ADD1: variants seen among roughly 807,000 people sequenced by gnomAD.
The protein encoded by ADD1 is adducin 1, also known as alpha-adducin.
Under a neutral mutation model 80.5 loss-of-function variants are expected in ADD1, and 24 were observed. The ratio of observed to expected loss-of-function variants is 0.30; its 90% confidence interval spans 0.22 to 0.42. The LOEUF (loss-of-function observed/expected upper bound fraction) is 0.42, where lower values mean the gene tolerates loss of function less well. Ranked by LOEUF, ADD1 falls within the 10% of genes least tolerant of loss-of-function variation. The pLI, the probability that ADD1 is intolerant of heterozygous loss-of-function variation, is 1.00. For synonymous variants in ADD1, 373 were observed against 393.8 expected (o/e 0.95, Z 0.63); for missense variants, 948 against 1,019.0 (o/e 0.93, Z 0.95).
intron 1 of ADD1, among the ~76,000 whole-genome samples, chr4:2,863,814 C>G (rs1729154368): frequency 6.6e-6 from 1 of 152,100 alleles, no homozygotes; most frequent in Non-Finnish European, 1.5e-5. Context: ...AGAGATCCTC[C>G]TGCCTCAGCC....
Position 2,898,337 on chromosome 4 carries a change from C to T in ADD1, c.885+10C>T. 1.9e-6 allele frequency: 3 copies of T among 1,614,204 alleles called. No homozygotes were observed. In the South Asian group the frequency reaches 3.3e-5, roughly 18 times the overall value. Reference sequence around the variant, plus strand: ...GGGGCCTAAAAGCAAGGTCAGTAGGCATCTAATCTGGTATTTAAATTACAG... The same window carrying T: ...GGGGCCTAAAAGCAAGGTCAGTAGGTATCTAATCTGGTATTTAAATTACAG... On this transcript the variant is annotated intron_variant, in intron 7 of 15. Coordinates refer to ENST00000683351, the MANE Select transcript of ADD1 (RefSeq NM_001354761.2).
intron 9 of ADD1, among the ~76,000 whole-genome samples, chr4:2,904,480 A>ATGTGTC (rs1736707019): frequency 6.6e-6 from 1 of 152,234 alleles, no homozygotes; most frequent in Non-Finnish European, 1.5e-5. Flanking sequence ...GTGTCACTAT[A>ATGTGTC]AGCCTTCTTA....
intron 9 of ADD1, chr4:2,901,859 A>G (rs200429820): frequency 8.5e-6 from 1 of 117,058 alleles, no homozygotes; most frequent in Admixed American, 8.1e-5. Flanking sequence ...TCCCCCCCCC[A>G]AAAAAAATCA....
At chr4:2,898,380 C>G in intron 7 of ADD1, 53 bp downstream of exon 7, 1 of 1,613,902 alleles carries the variant, frequency 6.2e-7, no homozygotes, top group South Asian at 1.1e-5. Context: ...AAGAATAAAG[C>G]AAAGGACCAG....
intron 14 of ADD1, 24 bp downstream of exon 14, chr4:2,915,064 C>T (rs1944082): frequency 3.1e-5 from 49 of 1,591,920 alleles, no homozygotes; most frequent in East Asian, 2.0e-4. Flanking sequence ...GTCCTGGGCA[C>T]GGCCACTCCA....
At chr4:2,899,475 C>G (rs1252171508) in intron 9 of ADD1, 40 bp downstream of exon 9, 4 of 1,610,414 alleles carry the variant, frequency 2.5e-6, no homozygotes, top group African/African-American at 1.3e-5. Context: ...ACCTTTTGTT[C>G]TAAAAGCATC....
rs781099712 is a variant in ADD1, at chr4:2,928,574, G to A, written c.*51G>A. On this transcript the variant is annotated 3_prime_UTR_variant, in exon 16 of 16. Coordinates refer to ENST00000683351, the MANE Select transcript of ADD1 (RefSeq NM_001354761.2). ...CCGGAGCGACCCTGGCTCTGCCAGC[G>A]TCCCCGGCCACGTCTGTGCTCTGTC... 4.4e-5 allele frequency: 68 copies of A among 1,562,924 alleles called. No homozygotes were observed. The highest frequency in any genetic ancestry group is 1.7e-4 in the Middle Eastern group (1 of 5,966).
chr4:2,925,207 G>A (rs1002907708), intron 14 of ADD1, among the ~76,000 whole-genome samples: 1 of 152,196 alleles, frequency 6.6e-6, no homozygotes, highest in African/African-American at 2.4e-5. Flanking sequence ...TGGTATGGCG[G>A]CCTTTTTATG....
chr4:2,846,784 C>T (rs1268321348), intron 1 of ADD1, among the ~76,000 whole-genome samples: 1 of 146,934 alleles, frequency 6.8e-6, no homozygotes, highest in Non-Finnish European at 1.5e-5. Flanking sequence ...TACAGTGAGC[C>T]ATGATCACTT....
rs779327814 is a variant in ADD1 at position 2,928,160 on chromosome 4, T to C, written c.2048-11T>C. ...GGAACCCTTAATCCCATCTCTCACC[T>C]CACCCACTAGACCTTGTGCCGGAGC... On this transcript the variant is annotated splice_polypyrimidine_tract_variant and intron_variant, in intron 15 of 15. Transcript: ENST00000683351. 1 of 1,612,858 alleles carries C rather than the reference T, an allele frequency of 6.2e-7. No homozygotes were observed. Among genetic ancestry groups the C allele is most frequent in the East Asian group, 2.2e-5 (1 of 44,858 alleles).
At chr4:2,846,193 A>G (rs1035640437) in intron 1 of ADD1, among the ~76,000 whole-genome samples, 1 of 152,214 alleles carries the variant, frequency 6.6e-6, no homozygotes, top group Non-Finnish European at 1.5e-5. Flanking sequence ...CATGCTATCT[A>G]TACAGTGTGA....
intron 2 of ADD1, 161 bp from the exon 3 acceptor site, chr4:2,881,737 A>G (rs1310872298): frequency 2.3e-5 from 11 of 480,422 alleles, no homozygotes; most frequent in Non-Finnish European, 4.0e-5. Context: ...CTAGAAAAGA[A>G]TGTACCAGTT....
At chr4:2,907,348 G>C (rs1737239182) in intron 10 of ADD1, 1 of 171,606 alleles carries the variant, frequency 5.8e-6, no homozygotes, top group African/African-American at 2.4e-5. Context: ...TGCTTTTCAT[G>C]ACCCTGTCAT....
chr4:2,905,178 T>C, intron 10 of ADD1, 70 bp downstream of exon 10: 4 of 1,480,568 alleles, frequency 2.7e-6, no homozygotes, highest in Non-Finnish European at 3.7e-6. Flanking sequence ...CTTCGGAGGC[T>C]TTGGGAATCC....
At chr4:2,905,626 C>T (rs1362447763) in intron 10 of ADD1, 2 of 161,544 alleles carry the variant, frequency 1.2e-5, no homozygotes, top group Non-Finnish European at 2.7e-5. Flanking sequence ...TGCTTTCTAT[C>T]CCAAAGCCTC....
Position 2,928,628 on chromosome 4 carries a change from G to A in ADD1, c.*105G>A. 7 of 1,296,384 alleles carry A rather than the reference G, an allele frequency of 5.4e-6. No individual in the cohort carries two copies. The highest frequency in any genetic ancestry group is 6.5e-6 in the Non-Finnish European group (6 of 926,912). The allele number at this position is 1,296,384 out of a possible 1,614,324, so 80.3% of individuals were successfully genotyped here. A position where few individuals can be genotyped will look rare whatever the true frequency, so the allele number is the denominator to read the frequency against. ...GTGTAATGGAATGCAAAAAAGCCAA[G>A]CCCTCCGCCTAGAGGTCCCCTCACG... On this transcript the variant is annotated 3_prime_UTR_variant, in exon 16 of 16. Transcript: ENST00000683351.
At chr4:2,903,654 C>T (rs1019571808) in intron 9 of ADD1, among the ~76,000 whole-genome samples, 4 of 152,232 alleles carry the variant, frequency 2.6e-5, no homozygotes, top group African/African-American at 9.6e-5. Flanking sequence ...TACAGCCCAT[C>T]ATCACCTTTT....
chr4:2,852,443 C>T (rs1278057478), intron 1 of ADD1, among the ~76,000 whole-genome samples: 1 of 150,116 alleles, frequency 6.7e-6, no homozygotes, highest in Non-Finnish European at 1.5e-5. Flanking sequence ...TCTTGTGCCC[C>T]AGCGTACTGA....
At chr4:2,849,373 T>C (rs1174855930) in intron 1 of ADD1, among the ~76,000 whole-genome samples, 1 of 152,134 alleles carries the variant, frequency 6.6e-6, no homozygotes, top group African/African-American at 2.4e-5. Context: ...CAAAATACTG[T>C]TATCTGTATT....
Sources: allele counts gnomAD v4.1 joint callset (sites outside exome capture counted in the v4.1 genomes callset), GRCh38; gene constraint gnomAD v4.1.1; transcripts MANE v1.5; gene names NCBI Gene and HGNC (gene_info 2026-07-23, HGNC 2026-07-21).